PLEKHG1: variants seen among roughly 807,000 people sequenced by gnomAD.
PLEKHG1 encodes pleckstrin homology domain-containing family G member 1.
In PLEKHG1, 44 loss-of-function variants were observed where a neutral mutation model predicts 100.8. The observed-to-expected ratio is 0.44, with a 90% confidence interval of 0.34 to 0.56. The LOEUF (loss-of-function observed/expected upper bound fraction) is 0.56. Among genes scored for constraint, PLEKHG1 ranks in the 20% least tolerant of loss-of-function variants. PLEKHG1 has a pLI of 0.01. For missense variants in PLEKHG1, 1,545 were observed against 1,720.9 expected (o/e 0.90, Z 1.81); for synonymous variants, 640 against 662.5 (o/e 0.97, Z 0.52).
chr6:150,626,058 G>C (rs1777495024), intron 1 of PLEKHG1: 1 of 149,880 alleles, frequency 6.7e-6, no homozygotes, highest in Non-Finnish European at 1.5e-5. Context: ...AATTTCAAAG[G>C]TTCCATACCA....
intron 6 of PLEKHG1, among the ~76,000 whole-genome samples, chr6:150,802,044 A>C (rs1422581736): frequency 6.6e-6 from 1 of 152,196 alleles, no homozygotes; most frequent in African/African-American, 2.4e-5. Flanking sequence ...CTCCACGTCA[A>C]CAGGCCTGCA....
intron 3 of PLEKHG1, among the ~76,000 whole-genome samples, chr6:150,699,333 A>G (rs1435115473): frequency 2.0e-5 from 3 of 152,258 alleles, no homozygotes; most frequent in African/African-American, 7.2e-5. Flanking sequence ...TTCAGAAAAG[A>G]CACTCTGATT....
intron 2 of PLEKHG1, among the ~76,000 whole-genome samples, chr6:150,749,235 A>C (rs1783354816): frequency 6.6e-6 from 1 of 152,148 alleles, no homozygotes; most frequent in Non-Finnish European, 1.5e-5. Context: ...CGGGTCCTCA[A>C]ACATACTTGT....
intron 2 of PLEKHG1, among the ~76,000 whole-genome samples, chr6:150,758,617 G>A (rs1326921061): frequency 6.6e-6 from 1 of 152,146 alleles, no homozygotes; most frequent in Non-Finnish European, 1.5e-5. Context: ...TTACAGGCGT[G>A]AGCCACCACA....
chr6:150,707,427 G>A (rs1781067755), intron 3 of PLEKHG1, among the ~76,000 whole-genome samples: 1 of 152,160 alleles, frequency 6.6e-6, no homozygotes, highest in African/African-American at 2.4e-5. Flanking sequence ...GTGCCCACGT[G>A]TATAATCCAG....
At chr6:150,667,957 TAAA>T (rs1779461905) in intron 3 of PLEKHG1, among the ~76,000 whole-genome samples, 2 of 152,192 alleles carry the variant, frequency 1.3e-5, no homozygotes, top group Non-Finnish European at 2.9e-5. Flanking sequence ...GATGTGTGTA[TAAA>T]AAAGAATTCA....
At chr6:150,700,391 A>G (rs1252117469) in intron 3 of PLEKHG1, among the ~76,000 whole-genome samples, 2 of 152,028 alleles carry the variant, frequency 1.3e-5, no homozygotes, top group Non-Finnish European at 2.9e-5. Flanking sequence ...AGCCCCACCA[A>G]ATCAGAGACC....
chr6:150,735,379 T>G (rs1782511688), intron 2 of PLEKHG1, among the ~76,000 whole-genome samples: 1 of 152,234 alleles, frequency 6.6e-6, no homozygotes, highest in South Asian at 2.1e-4. Context: ...TTTCCTGTTT[T>G]AGACATTGAC....
intron 1 of PLEKHG1, among the ~76,000 whole-genome samples, chr6:150,608,190 G>T (rs1458486171): frequency 6.6e-6 from 1 of 152,162 alleles, no homozygotes. Flanking sequence ...CTTCTAAAAA[G>T]CATCCTTATT....
At chr6:150,602,309 T>C (rs1776389172) in intron 1 of PLEKHG1, among the ~76,000 whole-genome samples, 6 of 152,184 alleles carry the variant, frequency 3.9e-5, no homozygotes, top group Admixed American at 3.9e-4. Context: ...TCCTGCAGCA[T>C]GATTAGGTCC....
At chr6:150,764,624 T>C (rs1784364362) in intron 2 of PLEKHG1, among the ~76,000 whole-genome samples, 1 of 152,204 alleles carries the variant, frequency 6.6e-6, no homozygotes. Flanking sequence ...GACATCTGGC[T>C]GGCCTGAAAT....
intron 1 of PLEKHG1, among the ~76,000 whole-genome samples, chr6:150,608,975 C>T (rs1213967513): frequency 6.6e-6 from 1 of 152,092 alleles, no homozygotes; most frequent in Non-Finnish European, 1.5e-5. Context: ...CTGGTTGTCA[C>T]ACATAAGTTT....
intron 1 of PLEKHG1, among the ~76,000 whole-genome samples, chr6:150,612,054 C>T (rs1004529049): frequency 3.8e-5 from 4 of 106,068 alleles, no homozygotes; most frequent in South Asian, 4.4e-4. Flanking sequence ...TTCCCCCCCC[C>T]CCCCCCTTTT....
chr6:150,685,195 G>A (rs1780076901), intron 3 of PLEKHG1, among the ~76,000 whole-genome samples: 2 of 151,932 alleles, frequency 1.3e-5, no homozygotes, highest in Non-Finnish European at 2.9e-5. Flanking sequence ...TTGAGCACTG[G>A]GCTCCCCTGC....
At chr6:150,828,258 G>C in intron 14 of PLEKHG1, 4 of 1,613,554 alleles carry the variant, frequency 2.5e-6, no homozygotes, top group Non-Finnish European at 3.4e-6. Context: ...AATGGAAACT[G>C]TCTGAATCTG....
exon 8 of PLEKHG1, chr6:150,809,152 C>A: frequency 1.2e-6 from 2 of 1,613,516 alleles, no homozygotes; most frequent in Non-Finnish European, 1.7e-6. Context: ...ACCTGACCAG[C>A]TACGGGGAAC....
At chr6:150,710,805 C>G (rs1781216315) in intron 3 of PLEKHG1, among the ~76,000 whole-genome samples, 1 of 152,138 alleles carries the variant, frequency 6.6e-6, no homozygotes, top group Non-Finnish European at 1.5e-5. Context: ...CTGGTTTCCC[C>G]TGGTTGACCT....
rs1389259884 is a variant in PLEKHG1 at position 150,801,432 on chromosome 6, C to CTT, written c.780+566_780+567dup. ...TAGCTCTTAAATTCTTTTTTCTTTT[C>CTT]TTTTCTTTTTTTTTTTTTTTTTTGA... is the stretch of plus-strand genomic sequence containing the variant. On this transcript the variant is annotated intron_variant, in intron 6 of 15. Transcript: ENST00000358517. Among the ~76,000 whole-genome samples, 114 of 125,838 alleles carry CTT rather than the reference C, an allele frequency of 9.1e-4. 1 individual carries two copies. The highest frequency in any genetic ancestry group is 7.7e-3 in the East Asian group (31 of 4,018). The allele number at this position is 125,838 out of a possible 152,430, so 82.6% of individuals were successfully genotyped here. A position where few individuals can be genotyped will look rare whatever the true frequency, so the allele number is the denominator to read the frequency against.
intron 3 of PLEKHG1, among the ~76,000 whole-genome samples, chr6:150,653,108 A>C (rs1778815392): frequency 6.6e-6 from 1 of 152,196 alleles, no homozygotes; most frequent in Admixed American, 6.5e-5. Flanking sequence ...CTTGAAAATC[A>C]ATAGGTTCTG....
Sources: allele counts gnomAD v4.1 joint callset (sites outside exome capture counted in the v4.1 genomes callset), GRCh38; gene constraint gnomAD v4.1.1; transcripts MANE v1.5; gene names NCBI Gene and HGNC (gene_info 2026-07-23, HGNC 2026-07-21).